Variants in WBP4 observed in about 807,000 individuals in gnomAD.
The protein encoded by WBP4 is WW domain binding protein 4, also known as WW domain-binding protein 4.
Under a neutral mutation model 55.4 loss-of-function variants are expected in WBP4, and 37 were observed. The observed-to-expected ratio is 0.67, with a 90% CI of 0.51 to 0.88. The LOEUF (loss-of-function observed/expected upper bound fraction) is 0.88. WBP4 is among the 40% of genes least tolerant of loss of function. The pLI is 0.00. For missense variants in WBP4, 398 were observed against 420.8 expected (o/e 0.95, Z 0.47); for synonymous variants, 142 against 140.2 (o/e 1.01, Z -0.09).
chr13:41,061,627 G>A lies in WBP4; in HGVS notation c.-47G>A, dbSNP rs542635914. ...TCGACTCGTCCCGCTGGGAAAGCGC[G>A]AGTCTGAGTGGAACCCTGGACGACT... On this transcript the variant is annotated 5_prime_UTR_variant, in exon 1 of 10. Transcript: ENST00000379487. 29 of 1,614,082 alleles carry A rather than the reference G, an allele frequency of 1.8e-5. No homozygotes were observed. The highest frequency in any genetic ancestry group is 4.5e-5 in the East Asian group (2 of 44,882).
chr13:41,075,924 G>A (rs1417831328), intron 7 of WBP4, 120 bp from the exon 8 acceptor site: 87 of 1,059,922 alleles, frequency 8.2e-5, no homozygotes, highest in Non-Finnish European at 1.2e-4. Flanking sequence ...TTGATCAAGA[G>A]ATAGTATGAA....
chr13:41,078,399 C>T (rs1324914317), intron 8 of WBP4, among the ~76,000 whole-genome samples: 1 of 152,148 alleles, frequency 6.6e-6, no homozygotes, highest in Admixed American at 6.5e-5. Context: ...GGAAGGGATA[C>T]CCCATTCAAT....
chr13:41,066,349 C>G (rs539745412), intron 4 of WBP4, among the ~76,000 whole-genome samples: 1 of 152,244 alleles, frequency 6.6e-6, no homozygotes, highest in South Asian at 2.1e-4. Flanking sequence ...TACAACAATG[C>G]AGTACAAAGA....
rs1054105034 is a variant in WBP4, at chr13:41,083,003, A to G, written c.*89A>G. On this transcript the variant is annotated 3_prime_UTR_variant, in exon 10 of 10. Coordinates refer to ENST00000379487, the MANE Select transcript of WBP4 (RefSeq NM_007187.5). ...TCTGTGTTTGTTTGTAAGTATTATGATGCTAAAAATTTAGATTTATTCTAA... is the reference window on the plus strand; with the variant it reads ...TCTGTGTTTGTTTGTAAGTATTATGGTGCTAAAAATTTAGATTTATTCTAA... 3 of 1,172,226 alleles carry G rather than the reference A, an allele frequency of 2.6e-6. No individual in the cohort carries two copies. The highest frequency in any genetic ancestry group is 2.0e-4 in the Middle Eastern group (1 of 4,970). The allele number at this position is 1,172,226 out of a possible 1,614,324, so 72.6% of individuals were successfully genotyped here. A position where few individuals can be genotyped will look rare whatever the true frequency, so the allele number is the denominator to read the frequency against.
At chr13:41,068,852 G>C (rs1038046778) in intron 5 of WBP4, 115 bp downstream of exon 5, 4 of 1,181,554 alleles carry the variant, frequency 3.4e-6, no homozygotes. Context: ...GTGAAAGACC[G>C]GTTTTTCATT....
chr13:41,072,134 C>T (rs954121576), intron 6 of WBP4, among the ~76,000 whole-genome samples: 3 of 151,246 alleles, frequency 2.0e-5, no homozygotes, highest in African/African-American at 7.3e-5. Flanking sequence ...AGTTGCCATT[C>T]ACATGTTCCT....
intron 7 of WBP4, among the ~76,000 whole-genome samples, chr13:41,073,800 G>A (rs1216675978): frequency 2.6e-5 from 4 of 152,044 alleles, no homozygotes; most frequent in Non-Finnish European, 4.4e-5. Flanking sequence ...GAGCAAGACT[G>A]TCTCAAAATA....
chr13:41,075,305 C>A (rs1285898982), intron 7 of WBP4, among the ~76,000 whole-genome samples: 3 of 152,148 alleles, frequency 2.0e-5, no homozygotes, highest in Admixed American at 2.0e-4. Flanking sequence ...CCCACCAAAC[C>A]ACCATAATAA....
intron 4 of WBP4, 50 bp downstream of exon 4, chr13:41,065,337 T>G (rs748094796): frequency 2.2e-5 from 32 of 1,483,740 alleles, no homozygotes; most frequent in Non-Finnish European, 2.9e-5. Context: ...AAAAGTAACA[T>G]CAGAGGTCAA....
intron 5 of WBP4, among the ~76,000 whole-genome samples, chr13:41,070,608 T>C (rs1878198837): frequency 6.6e-6 from 1 of 152,052 alleles, no homozygotes. Context: ...AATATTCATA[T>C]GACAGCTTTT....
rs1012973394 is a variant in WBP4 at position 41,062,639 on chromosome 13, T to C, written c.3-5T>C. ...GAGCTTAGCCTTGTTGTCTCTCTTT[T>C]TCAGGGCGGACTACTGGAAGTCACA... On this transcript the variant is annotated splice_polypyrimidine_tract_variant and splice_region_variant and intron_variant, in intron 1 of 9. Coordinates refer to ENST00000379487, the MANE Select transcript of WBP4 (RefSeq NM_007187.5). 1 of 1,612,880 alleles carries C rather than the reference T, an allele frequency of 6.2e-7. No homozygotes were observed. The highest frequency in any genetic ancestry group is 8.5e-7 in the Non-Finnish European group (1 of 1,179,560).
Position 41,076,191 on chromosome 13 carries a change from A to G in WBP4, c.710A>G (p.Glu237Gly), listed in dbSNP as rs745862913. Residue 237 changes from glutamate (E) to glycine (G), a missense_variant, in exon 8 of 10, where the codon GAA becomes GGA. Transcript: ENST00000379487. ...TCTGATGGGGAACAGGAAGCAGAAG[A>G]AGGAGGGGTCTCTACAGAGACAGAA... ...SDSDGEQEAE[E>G]GGVSTETEKP... is the part of the protein sequence containing the mutation. The G allele has an allele frequency of 3.7e-6, 6 of 1,613,012 alleles. No homozygotes were observed. In the Admixed American group the frequency reaches 5.0e-5, roughly 14 times the overall value.
intron 8 of WBP4, among the ~76,000 whole-genome samples, chr13:41,079,905 T>G (rs781432088): frequency 2.0e-5 from 3 of 152,078 alleles, no homozygotes; most frequent in Admixed American, 6.6e-5. Flanking sequence ...AAAAATGAAA[T>G]GATAGCTTTT....
At chr13:41,077,349 G>A (rs954778551) in intron 8 of WBP4, among the ~76,000 whole-genome samples, 4 of 152,102 alleles carry the variant, frequency 2.6e-5, no homozygotes, top group East Asian at 1.9e-4. Context: ...ATATGAGGCC[G>A]AGTGCGGTGC....
intron 8 of WBP4, among the ~76,000 whole-genome samples, chr13:41,077,951 C>T (rs1878577478): frequency 2.6e-5 from 4 of 151,738 alleles, no homozygotes; most frequent in Admixed American, 1.3e-4. Context: ...TGAAAGATCC[C>T]TACAAAATGA....
chr13:41,063,609 A>G (rs920574053), intron 2 of WBP4, among the ~76,000 whole-genome samples: 1 of 152,180 alleles, frequency 6.6e-6, no homozygotes, highest in African/African-American at 2.4e-5. Flanking sequence ...TCTTGGAGGT[A>G]CCTAGGCTGT....
Position 41,065,372 on chromosome 13 carries a change from A to C in WBP4, c.262+85A>C. On this transcript the variant is annotated intron_variant, in intron 4 of 9. Coordinates refer to ENST00000379487, the MANE Select transcript of WBP4 (RefSeq NM_007187.5). ...AGCTAAGTAAGCTTTGATTGCTTCCATAAAGAGGTTATAAACTCAGTGTAC... is the reference window on the plus strand; with the variant it reads ...AGCTAAGTAAGCTTTGATTGCTTCCCTAAAGAGGTTATAAACTCAGTGTAC... 2.7e-6 allele frequency: 4 copies of C among 1,462,548 alleles called. No homozygotes were observed. The South Asian group carries it at 5.7e-5, about 21-fold the overall frequency. The allele number at this position is 1,462,548 out of a possible 1,614,324, so 90.6% of individuals were successfully genotyped here.
chr13:41,062,053 C>T, intron 1 of WBP4: 2 of 983,142 alleles, frequency 2.0e-6, no homozygotes, highest in Non-Finnish European at 2.4e-6. Flanking sequence ...GGGCTGCGGC[C>T]TCCCCCGCCC....
intron 7 of WBP4, among the ~76,000 whole-genome samples, chr13:41,074,877 C>G (rs1878408535): frequency 6.6e-6 from 1 of 152,058 alleles, no homozygotes. Context: ...TGCCTGTGGT[C>G]CCAGTTACTC....
Sources: allele counts gnomAD v4.1 joint callset (sites outside exome capture counted in the v4.1 genomes callset), GRCh38; gene constraint gnomAD v4.1.1; transcripts MANE v1.5; gene names NCBI Gene and HGNC (gene_info 2026-07-23, HGNC 2026-07-21).